Variants in KATNB1 observed in about 807,000 individuals in gnomAD.
KATNB1 encodes katanin regulatory subunit B1, also known as katanin p80 WD40 repeat-containing subunit B1.
KATNB1 carries 38 observed loss-of-function variants against 82.3 expected under a neutral mutation model. The observed-to-expected ratio is 0.46, with a 90% CI of 0.36 to 0.61. The LOEUF (loss-of-function observed/expected upper bound fraction) is 0.61, where lower values mean the gene tolerates loss of function less well. KATNB1 is among the 20% of genes least tolerant of loss of function. The pLI is 0.00. For missense variants in KATNB1, 749 were observed against 915.7 expected (o/e 0.82, Z 2.35); for synonymous variants, 361 against 368.7 (o/e 0.98, Z 0.24).
intron 4 of KATNB1, among the ~76,000 whole-genome samples, chr16:57,748,657 T>G (rs2049201575): frequency 6.6e-6 from 1 of 151,980 alleles, no homozygotes; most frequent in South Asian, 2.1e-4. Flanking sequence ...CATGATTGAA[T>G]GTAGGCATCA....
rs781933815 is a variant in KATNB1 at position 57,756,422 on chromosome 16, C to T, written c.1785C>T (p.Asp595=). 1.2e-6 allele frequency: 2 copies of T among 1,613,980 alleles called. No individual in the cohort carries two copies. Among genetic ancestry groups the T allele is most frequent in the African/African-American group, 1.3e-5 (1 of 75,066 alleles). ...AGCGGTTTCTGCCCCTCATCACAGA[C>T]ATGCTGGCGGCCCCACCCTCTGTGG... is the stretch of plus-strand genomic sequence containing the variant. ...ILQRFLPLIT[D]MLAAPPSVGV... Residue 595 remains aspartate (D), a synonymous_variant, in exon 19 of 20, where the codon GAC becomes GAT. Transcript: ENST00000379661.
At chr16:57,741,477 G>A (rs2049141339) in intron 2 of KATNB1, among the ~76,000 whole-genome samples, 1 of 152,248 alleles carries the variant, frequency 6.6e-6, no homozygotes, top group South Asian at 2.1e-4. Flanking sequence ...CATGATGAAA[G>A]TTGAGAAACA....
chr16:57,741,652 G>A (rs782476196), intron 2 of KATNB1, 35 bp from the exon 3 acceptor site: 53 of 1,594,056 alleles, frequency 3.3e-5, no homozygotes, highest in Admixed American at 8.5e-5. Context: ...CCATCGGGCC[G>A]CCCTGATGGC....
Position 57,753,196 on chromosome 16 carries a change from A to T in KATNB1, c.975A>T (p.Pro325=), listed in dbSNP as rs1244129868. 6.2e-7 allele frequency: 1 copy of T among 1,609,628 alleles called. No homozygotes were observed. Among genetic ancestry groups the T allele is most frequent in the African/African-American group, 1.3e-5 (1 of 75,036 alleles). Residue 325 remains proline, a synonymous_variant, in exon 11 of 20, where the codon CCA becomes CCT. Transcript: ENST00000379661. ...PVQDHRPLAQ[P]LPNPSAPLRR... is the part of the protein sequence containing the mutation. ...AGGACCACCGGCCCCTGGCACAGCC[A>T]CTGCCCAACCCCAGCGCCCCCCTCC...
chr16:57,742,309 C>G lies in KATNB1; in HGVS notation c.171+492C>G, dbSNP rs556057562. Among the ~76,000 whole-genome samples the G allele has an allele frequency of 4.6e-5, 7 of 152,370 alleles. No individual in the cohort carries two copies. In the East Asian group the frequency reaches 1.2e-3, roughly 25 times the overall value. On this transcript the variant is annotated intron_variant, in intron 3 of 19. Coordinates refer to ENST00000379661, the MANE Select transcript of KATNB1 (RefSeq NM_005886.3). ...GGAGCTAGTTCTTAAATAGCATCTC[C>G]CCACTATTTATGCAGCTATATGTTC...
chr16:57,737,595 G>C (rs1270241321), intron 2 of KATNB1, among the ~76,000 whole-genome samples: 1 of 152,212 alleles, frequency 6.6e-6, no homozygotes, highest in Non-Finnish European at 1.5e-5. Context: ...AGCATTTCCA[G>C]TTAGGCTGAC....
Position 57,741,733 on chromosome 16 carries a change from C to A in KATNB1, c.87C>A (p.Gly29=). The A allele has an allele frequency of 6.2e-7, 1 of 1,614,146 alleles. No homozygotes were observed. Among genetic ancestry groups the A allele is most frequent in the Non-Finnish European group, 8.5e-7 (1 of 1,180,028 alleles). The part of the protein sequence containing the change: ...HASNVSSLVL[G]KASGRLLATG... ...GCAACGTGTCCTCACTGGTGCTGGG[C>A]AAAGCCTCCGGGCGGCTGCTGGCTA... Residue 29 remains glycine, a synonymous_variant, in exon 3 of 20, where the codon GGC becomes GGA. Coordinates refer to ENST00000379661, the MANE Select transcript of KATNB1 (RefSeq NM_005886.3).
At chr16:57,744,956 G>C (rs2049172734) in intron 4 of KATNB1, among the ~76,000 whole-genome samples, 1 of 152,200 alleles carries the variant, frequency 6.6e-6, no homozygotes, top group African/African-American at 2.4e-5. Flanking sequence ...TGCCATTAGA[G>C]GCAGCCTGGA....
At chr16:57,747,699 C>T (rs1484690820) in intron 4 of KATNB1, among the ~76,000 whole-genome samples, 1 of 152,124 alleles carries the variant, frequency 6.6e-6, no homozygotes, top group Non-Finnish European at 1.5e-5. Context: ...GATGGGAAGG[C>T]TCAGGCAGAA....
Position 57,754,951 on chromosome 16 carries a change from C to T in KATNB1, c.1250C>T (p.Ala417Val). The change falls in exon 14 of 20, where the codon GCA becomes GTA. Residue 417 changes from alanine (A) to valine (V), a missense_variant. Coordinates refer to ENST00000379661, the MANE Select transcript of KATNB1 (RefSeq NM_005886.3). The part of the protein sequence containing the change: ...PEDDAATAKE[A>V]AKPSPAMDVQ... ...CCAGACGCAGCCACAGCAAAGGAGG[C>T]AGCAAAGCCCAGCCCTGCCATGGAT... is the stretch of plus-strand genomic sequence containing the variant. 6.2e-7 allele frequency: 1 copy of T among 1,614,084 alleles called. No individual in the cohort carries two copies. The highest frequency in any genetic ancestry group is 1.3e-5 in the African/African-American group (1 of 75,070).
intron 16 of KATNB1, 59 bp from the exon 17 acceptor site, chr16:57,755,782 C>A: frequency 1.3e-6 from 2 of 1,503,068 alleles, no homozygotes; most frequent in South Asian, 1.3e-5. Context: ...CCACCCTCAC[C>A]CTCACAGGGC....
In KATNB1 at chr16:57,756,483, C is replaced by T. The variant is rs782232357; in HGVS notation, c.1835+11C>T. ...CAGCAGGGAGGAGAGGTGAGGGCAGCGCATGTGTTGGGGGCAGGGGTGCCA... is the reference window on the plus strand; with the variant it reads ...CAGCAGGGAGGAGAGGTGAGGGCAGTGCATGTGTTGGGGGCAGGGGTGCCA... On this transcript the variant is annotated intron_variant, in intron 19 of 19. Transcript: ENST00000379661. The T allele has an allele frequency of 1.4e-5, 22 of 1,605,902 alleles. No homozygotes were observed. The East Asian group carries it at 2.9e-4, about 21-fold the overall frequency.
chr16:57,750,302 CAT>C (rs2049216158), intron 4 of KATNB1, among the ~76,000 whole-genome samples: 3 of 152,200 alleles, frequency 2.0e-5, no homozygotes, highest in Admixed American at 1.3e-4. Context: ...CTTGAGGTAA[CAT>C]AGGGCTGTCA....
In KATNB1 at chr16:57,756,818, C is replaced by T; in HGVS notation, c.1840C>T (p.His614Tyr). The change falls in exon 20 of 20, where the codon CAT becomes TAT. Residue 614 changes from histidine to tyrosine, a missense_variant. Transcript: ENST00000379661. ...CAGGCACTGCCCTCTCTACAGGCTG[C>T]ATAAGTGCCGGCTCTGCTACAAGCA... is the stretch of plus-strand genomic sequence containing the variant. ...GVDISREERL[H>Y]KCRLCYKQLK... 1 of 1,569,246 alleles carries T rather than the reference C, an allele frequency of 6.4e-7. No homozygotes were observed. Among genetic ancestry groups the T allele is most frequent in the Non-Finnish European group, 8.7e-7 (1 of 1,155,096 alleles).
intron 1 of KATNB1, among the ~76,000 whole-genome samples, chr16:57,736,435 C>T (rs751090581): frequency 2.6e-4 from 39 of 152,254 alleles, no homozygotes; most frequent in Admixed American, 1.6e-3. Context: ...TAGCCACTTA[C>T]GCCCAGACTG....
intron 10 of KATNB1, 59 bp downstream of exon 10, chr16:57,752,987 A>G: frequency 6.3e-7 from 1 of 1,588,170 alleles, no homozygotes; most frequent in Admixed American, 1.7e-5. Flanking sequence ...GCCTCCCTCC[A>G]GCCCAGGCCC....
In KATNB1 at chr16:57,737,249, C is replaced by A; in HGVS notation, c.6C>A (p.Ala2=). 6.2e-7 allele frequency: 1 copy of A among 1,614,190 alleles called. No individual in the cohort carries two copies. The highest frequency in any genetic ancestry group is 8.5e-7 in the Non-Finnish European group (1 of 1,180,044). Residue 2 remains alanine, a synonymous_variant, in exon 2 of 20, where the codon GCC becomes GCA. Transcript: ENST00000379661. M[A]TPVVTKTAWK... ...AGGTGCCAGCCAGCTGAAGGATGGCCACCCCTGTGGTCACCAAGACAGCCT... is the reference window on the plus strand; with the variant it reads ...AGGTGCCAGCCAGCTGAAGGATGGCAACCCCTGTGGTCACCAAGACAGCCT...
Position 57,751,756 on chromosome 16 carries a change from T to TGGG in KATNB1, c.516+35_516+37dup. 6.3e-7 allele frequency: 1 copy of TGGG among 1,594,140 alleles called. No individual in the cohort carries two copies. Among genetic ancestry groups the TGGG allele is most frequent in the Non-Finnish European group, 8.6e-7 (1 of 1,169,426 alleles). On this transcript the variant is annotated intron_variant, in intron 7 of 19. Transcript: ENST00000379661. The surrounding 1 kb of genome is among the most constrained non-coding windows in gnomAD (Gnocchi z 6.3). ...CCCGGCCTGACCTGGGCCCAGGGGC[T>TGGG]GGGGGCTGGGGTCTGCTGATCACAG...
chr16:57,741,934 A>C, intron 3 of KATNB1, 117 bp downstream of exon 3: 1 of 1,224,730 alleles, frequency 8.2e-7, no homozygotes, highest in Non-Finnish European at 1.1e-6. Flanking sequence ...AGGGCCCCCT[A>C]TCCGCTGGGG....
Sources: allele counts gnomAD v4.1 joint callset (sites outside exome capture counted in the v4.1 genomes callset), GRCh38; gene constraint gnomAD v4.1.1; non-coding constraint Gnocchi (gnomAD v3.1); transcripts MANE v1.5; gene names NCBI Gene and HGNC (gene_info 2026-07-23, HGNC 2026-07-21).